The following CDH11 variants were observed in gnomAD, a reference collection of about 807,000 sequenced individuals.
The protein encoded by CDH11 is cadherin-11.
CDH11 carries 11 observed loss-of-function variants against 67.8 expected under a neutral mutation model. The observed-to-expected ratio is 0.16, with a 90% CI of 0.10 to 0.27. The LOEUF is 0.27. Among genes scored for constraint, CDH11 ranks in the 10% least tolerant of loss-of-function variants. The pLI, the probability that CDH11 is intolerant of heterozygous loss-of-function variation, is 1.00. For synonymous variants in CDH11, 419 were observed against 400.0 expected, an observed-to-expected ratio of 1.05 and a Z score of -0.57; for missense variants, 847 against 1,031.2, an observed-to-expected ratio of 0.82 and a Z score of 2.45.
At chr16:65,066,973 A>C (rs1470303099) in intron 1 of CDH11, among the ~76,000 whole-genome samples, 2 of 152,154 alleles carry the variant, frequency 1.3e-5, no homozygotes, top group African/African-American at 4.8e-5. Context: ...GATTTTACTA[A>C]CTGTTCTTGG....
intron 1 of CDH11, among the ~76,000 whole-genome samples, chr16:65,107,615 A>G (rs564241921): frequency 6.6e-6 from 1 of 152,322 alleles, no homozygotes; most frequent in South Asian, 2.1e-4. Flanking sequence ...TAAAGTCCAA[A>G]GCTCTAAATT....
chr16:64,950,833 T>A lies in CDH11; in HGVS notation c.1828A>T (p.Ile610Phe), dbSNP rs758223898. The change falls in exon 12 of 13, where the codon ATT (isoleucine) becomes TTT (phenylalanine). Residue 610 changes from isoleucine to phenylalanine, a missense_variant. Coordinates refer to ENST00000268603, the MANE Select transcript of CDH11 (RefSeq NM_001797.4). ...CCTGTGCTCAGGCCGGCGTTCAGAA[T>A]GTAGGCCTCTGCGTTGCAGGAGAGC... ...ALLSCNAEAY[I>F]LNAGLSTGAL... The A allele has an allele frequency of 2.4e-5, 38 of 1,614,052 alleles. No individual in the cohort carries two copies. The highest frequency in any genetic ancestry group is 2.7e-5 in the African/African-American group (2 of 74,938).
At chr16:64,980,476 T>A (rs1480240090) in intron 8 of CDH11, among the ~76,000 whole-genome samples, 1 of 152,096 alleles carries the variant, frequency 6.6e-6, no homozygotes, top group Non-Finnish European at 1.5e-5. Context: ...CTGGAAGAAT[T>A]CCTATAGGAG....
At chr16:65,042,379 G>T (rs911946957) in intron 2 of CDH11, among the ~76,000 whole-genome samples, 8 of 152,316 alleles carry the variant, frequency 5.3e-5, no homozygotes, top group African/African-American at 1.9e-4. Context: ...AGGTTGTGAA[G>T]TCAGGAAAGG....
chr16:64,965,125 G>A (rs1235005831), intron 11 of CDH11, among the ~76,000 whole-genome samples: 1 of 147,712 alleles, frequency 6.8e-6, no homozygotes, highest in Non-Finnish European at 1.5e-5. Context: ...TTGGGAGGCT[G>A]AGGCAGGTGG....
intron 1 of CDH11, among the ~76,000 whole-genome samples, chr16:65,099,141 C>T (rs2074947611): frequency 6.6e-6 from 1 of 152,064 alleles, no homozygotes; most frequent in Admixed American, 6.6e-5. Context: ...TTCTGGAATC[C>T]ATTGTTACTG....
At chr16:65,018,049 T>C (rs2073346658) in intron 2 of CDH11, among the ~76,000 whole-genome samples, 1 of 152,220 alleles carries the variant, frequency 6.6e-6, no homozygotes, top group South Asian at 2.1e-4. Context: ...AAATTGGCTT[T>C]GATGGAACTT....
intron 12 of CDH11, among the ~76,000 whole-genome samples, chr16:64,950,488 C>G (rs1395989897): frequency 1.3e-5 from 2 of 152,120 alleles, no homozygotes; most frequent in East Asian, 1.9e-4. Context: ...CTATACAGCC[C>G]TGTGATGGCC....
intron 1 of CDH11, among the ~76,000 whole-genome samples, chr16:65,070,663 T>A (rs941819171): frequency 6.6e-6 from 1 of 152,220 alleles, no homozygotes; most frequent in Non-Finnish European, 1.5e-5. Context: ...TAAGACTGAA[T>A]CTTGTTCACT....
rs1368726663 is a variant in CDH11 at position 64,945,838 on chromosome 16, A to G, written c.*1765T>C. The G allele has an allele frequency of 1.9e-6, 2 of 1,051,972 alleles. No individual in the cohort carries two copies. The highest frequency in any genetic ancestry group is 3.3e-5 in the African/African-American group (2 of 60,320). The allele number at this position is 1,051,972 out of a possible 1,614,324, so 65.2% of individuals were successfully genotyped here. A position where few individuals can be genotyped will look rare whatever the true frequency, so the allele number is the denominator to read the frequency against. On this transcript the variant is annotated 3_prime_UTR_variant, in exon 13 of 13. Coordinates refer to ENST00000268603, the MANE Select transcript of CDH11 (RefSeq NM_001797.4). ...AATGCTTGAAACAAACTTTCACAAT[A>G]AAGTCAGAAAAAAACTGTAAAAATT...
intron 1 of CDH11, among the ~76,000 whole-genome samples, chr16:65,098,875 T>C (rs892620693): frequency 1.3e-5 from 2 of 152,072 alleles, no homozygotes; most frequent in African/African-American, 4.8e-5. Flanking sequence ...GCGTGTAGTC[T>C]TCTAAATTTT....
At chr16:64,995,339 G>A (rs946835728) in intron 4 of CDH11, among the ~76,000 whole-genome samples, 1 of 152,026 alleles carries the variant, frequency 6.6e-6, no homozygotes, top group African/African-American at 2.4e-5. Context: ...CCAACTTCAA[G>A]CTATACTACA....
Position 65,107,193 on chromosome 16 carries a change from T to C in CDH11, c.-298+14687A>G, listed in dbSNP as rs2075079774. Among the ~76,000 whole-genome samples, 3 of 152,312 alleles carry C rather than the reference T, an allele frequency of 2.0e-5. No individual in the cohort carries two copies. The East Asian group carries it at 5.8e-4, about 29-fold the overall frequency. On this transcript the variant is annotated intron_variant, in intron 1 of 12. Coordinates refer to ENST00000268603, the MANE Select transcript of CDH11 (RefSeq NM_001797.4). ...GAGCAATGAAGAACACGGGATCTCTTGGCTCAAAGCCCTGCTCATCCACTT... is the reference window on the plus strand; with the variant it reads ...GAGCAATGAAGAACACGGGATCTCTCGGCTCAAAGCCCTGCTCATCCACTT...
chr16:64,997,571 T>C (rs2072807350), intron 4 of CDH11, among the ~76,000 whole-genome samples: 2 of 152,248 alleles, frequency 1.3e-5, no homozygotes, highest in South Asian at 2.1e-4. Flanking sequence ...TTGTTGTTTC[T>C]CATTATAATA....
At chr16:64,983,034 G>A (rs1011550335) in intron 7 of CDH11, 3 of 152,092 alleles carry the variant, frequency 2.0e-5, no homozygotes, top group Non-Finnish European at 4.4e-5. Flanking sequence ...TAGCTAGAAT[G>A]TAATGGCATC....
chr16:65,041,097 C>G (rs890346690), intron 2 of CDH11, among the ~76,000 whole-genome samples: 2 of 152,226 alleles, frequency 1.3e-5, no homozygotes, highest in Non-Finnish European at 2.9e-5. Flanking sequence ...GAACTTACAG[C>G]CAGCGCCAAA....
At chr16:65,009,181 C>T (rs2073125275) in intron 2 of CDH11, among the ~76,000 whole-genome samples, 1 of 151,860 alleles carries the variant, frequency 6.6e-6, no homozygotes, top group South Asian at 2.1e-4. Flanking sequence ...CACACAATAG[C>T]CTTAACATGA....
chr16:65,052,533 C>T (rs1200643002), intron 2 of CDH11, among the ~76,000 whole-genome samples: 1 of 152,022 alleles, frequency 6.6e-6, no homozygotes, highest in Non-Finnish European at 1.5e-5. Context: ...GTATATAATA[C>T]AGGCAGGGTG....
chr16:65,106,222 T>C (rs1196919644), intron 1 of CDH11, among the ~76,000 whole-genome samples: 1 of 152,162 alleles, frequency 6.6e-6, no homozygotes, highest in African/African-American at 2.4e-5. Context: ...CTAATCCTCT[T>C]ATTCTACCAA....
Sources: gnomAD v4.1 joint callset for allele counts (sites outside exome capture counted in the v4.1 genomes callset) on GRCh38, gnomAD v4.1.1 for gene constraint, MANE v1.5 for transcripts, NCBI Gene and HGNC (gene_info 2026-07-23, HGNC 2026-07-21) for gene names.